Variants in PCDH11X observed in about 807,000 individuals in gnomAD.
The protein encoded by PCDH11X is protocadherin-11 X-linked.
A neutral mutation model predicts 53.3 loss-of-function variants in PCDH11X; 18 were observed. The ratio of observed to expected loss-of-function variants is 0.34; its 90% CI spans 0.23 to 0.50. The LOEUF (loss-of-function observed/expected upper bound fraction) is 0.50. PCDH11X is among the 20% of genes least tolerant of loss of function. PCDH11X has a pLI of 0.98. For missense variants in PCDH11X, 570 were observed against 1,032.4 expected, an observed-to-expected ratio of 0.55 and a Z score of 6.14; for synonymous variants, 279 against 393.3, an observed-to-expected ratio of 0.71 and a Z score of 3.44.
rs1223019626 is a variant in PCDH11X at position 92,264,542 on chromosome X, G to A, written c.3144+1399G>A. Among the ~76,000 whole-genome samples, 3 of 111,521 alleles carry A rather than the reference G, an allele frequency of 2.7e-5. No individual in the cohort carries two copies. In the East Asian group the frequency reaches 8.5e-4, roughly 32 times the overall value. On this transcript the variant is annotated intron_variant, in intron 8 of 10. Transcript: ENST00000682573. ...TTATGTGTATATTTAGAGAAAGGGA[G>A]AGAGAGAATGAAAGAGAGAGAAGAT... is the stretch of plus-strand genomic sequence containing the variant.
chrX:92,249,909 C>T (rs781069017), intron 7 of PCDH11X, among the ~76,000 whole-genome samples: 1 of 111,660 alleles, frequency 9.0e-6, no homozygotes, highest in South Asian at 3.7e-4. Context: ...GCAATATCAT[C>T]GTCCCATGAT....
chrX:91,841,694 A>G (rs1037779710), intron 5 of PCDH11X, among the ~76,000 whole-genome samples: 7 of 111,188 alleles, frequency 6.3e-5, no homozygotes, highest in Admixed American at 2.9e-4. Flanking sequence ...AATTGTCTTT[A>G]ACAATTTTGA....
chrX:92,446,781 A>C, intron 9 of PCDH11X, among the ~76,000 whole-genome samples: 1 of 111,590 alleles, frequency 9.0e-6, no homozygotes. Context: ...GAGCTGGGTA[A>C]CAAGCAGGGG....
intron 8 of PCDH11X, among the ~76,000 whole-genome samples, chrX:92,335,341 T>A (rs1049308704): frequency 9.0e-6 from 1 of 111,065 alleles, no homozygotes; most frequent in Non-Finnish European, 1.9e-5. Flanking sequence ...TTGCTTTTTT[T>A]ATTTCATTCA....
chrX:92,344,283 G>A (rs2069836501), intron 8 of PCDH11X, among the ~76,000 whole-genome samples: 1 of 109,932 alleles, frequency 9.1e-6, no homozygotes, highest in African/African-American at 3.3e-5. Flanking sequence ...GCAAATTAAA[G>A]TTATTATTTA....
At chrX:92,264,592 C>T (rs1052051460) in intron 8 of PCDH11X, among the ~76,000 whole-genome samples, 3 of 111,708 alleles carry the variant, frequency 2.7e-5, no homozygotes, top group East Asian at 5.6e-4. Context: ...ATTTTGTGTT[C>T]TAACATTCTT....
At chrX:92,357,773 A>G (rs1295317798) in intron 8 of PCDH11X, among the ~76,000 whole-genome samples, 1 of 111,910 alleles carries the variant, frequency 8.9e-6, no homozygotes, top group Non-Finnish European at 1.9e-5. Flanking sequence ...ACTTGTATCG[A>G]TCTCATTAAG....
intron 10 of PCDH11X, among the ~76,000 whole-genome samples, chrX:92,597,837 C>A (rs1925799345): frequency 9.0e-6 from 1 of 111,183 alleles, no homozygotes; most frequent in South Asian, 3.7e-4. Context: ...ACACATAGAC[C>A]AAAGGAACAG....
Position 92,339,458 on chromosome X carries a change from G to A in PCDH11X, c.3145-48277G>A, listed in dbSNP as rs1311747166. On this transcript the variant is annotated intron_variant, in intron 8 of 10. Coordinates refer to ENST00000682573, the MANE Select transcript of PCDH11X (RefSeq NM_032968.5). ...ATACCAAAGGCTGGGTAATTCACAA[G>A]GAAAAGAGATTTAATTGGCTTATGG... Among the ~76,000 whole-genome samples the A allele has an allele frequency of 2.7e-5, 3 of 111,448 alleles. No individual in the cohort carries two copies. In the East Asian group the frequency reaches 8.6e-4, roughly 32 times the overall value.
intron 10 of PCDH11X, among the ~76,000 whole-genome samples, chrX:92,585,357 A>G (rs72608341): frequency 0.23 from 24,437 of 105,810 alleles, 2,198 homozygotes; most frequent in African/African-American, 0.28. Context: ...CCAAATGTAA[A>G]TAGTGCTTTC....
chrX:91,840,298 T>A (rs1230398740), intron 5 of PCDH11X, among the ~76,000 whole-genome samples: 1 of 111,847 alleles, frequency 8.9e-6, no homozygotes, highest in Non-Finnish European at 1.9e-5. Context: ...GCTGATTGAT[T>A]TCCTTAAGGC....
At chrX:92,391,279 G>A (rs2071122544) in intron 9 of PCDH11X, among the ~76,000 whole-genome samples, 1 of 109,332 alleles carries the variant, frequency 9.1e-6, no homozygotes, top group African/African-American at 3.3e-5. Context: ...ATTGCTGCTG[G>A]GTTACTGTGG....
At chrX:92,202,988 A>C (rs1162913030) in intron 7 of PCDH11X, among the ~76,000 whole-genome samples, 2 of 111,307 alleles carry the variant, frequency 1.8e-5, no homozygotes, top group Non-Finnish European at 3.8e-5. Context: ...GCACCACTGC[A>C]CTCCAGCCTG....
chrX:92,476,114 C>T (rs2073378566), intron 10 of PCDH11X, among the ~76,000 whole-genome samples: 1 of 110,742 alleles, frequency 9.0e-6, no homozygotes, highest in Admixed American at 9.6e-5. Flanking sequence ...GTGAATGAGT[C>T]TCATGAGATC....
intron 6 of PCDH11X, among the ~76,000 whole-genome samples, chrX:92,019,092 G>A (rs1369600446): frequency 1.8e-5 from 2 of 111,094 alleles, no homozygotes; most frequent in East Asian, 2.9e-4. Context: ...ACTGAGAGTG[G>A]ATGGAGGAAA....
At chrX:92,328,737 G>T (rs1281661568) in intron 8 of PCDH11X, among the ~76,000 whole-genome samples, 1 of 110,598 alleles carries the variant, frequency 9.0e-6, no homozygotes, top group Non-Finnish European at 1.9e-5. Context: ...CAATCAGGAA[G>T]AAATAGCTTG....
At chrX:92,317,672 G>A (rs893865063) in intron 8 of PCDH11X, among the ~76,000 whole-genome samples, 16 of 110,987 alleles carry the variant, frequency 1.4e-4, no homozygotes, top group African/African-American at 4.2e-4. Context: ...GATTTTTTTC[G>A]GTCATTAATA....
chrX:92,159,478 T>G (rs1603079099), intron 6 of PCDH11X, among the ~76,000 whole-genome samples: 2 of 107,699 alleles, frequency 1.9e-5, no homozygotes, highest in Admixed American at 2.0e-4. Context: ...TATAGTTTAG[T>G]ATTACAAAAC....
At chrX:92,535,632 A>G (rs2074644858) in intron 10 of PCDH11X, among the ~76,000 whole-genome samples, 1 of 111,213 alleles carries the variant, frequency 9.0e-6, no homozygotes, top group African/African-American at 3.3e-5. Flanking sequence ...GACACAAACA[A>G]CCCTGCAAAT....
Sources: gnomAD v4.1 joint callset for allele counts (sites outside exome capture counted in the v4.1 genomes callset) on GRCh38, gnomAD v4.1.1 for gene constraint, MANE v1.5 for transcripts, NCBI Gene and HGNC (gene_info 2026-07-23, HGNC 2026-07-21) for gene names.